The following TNNI3K variants were observed in gnomAD, a reference collection of about 807,000 sequenced individuals.
The protein encoded by TNNI3K is TNNI3 interacting kinase.
TNNI3K carries 140 observed loss-of-function variants against 114.5 expected under a neutral mutation model. The ratio of observed to expected loss-of-function variants is 1.22; its 90% CI spans 1.07 to 1.41. The LOEUF is 1.41. Ranked by LOEUF, TNNI3K falls within the 40% of genes most tolerant of loss-of-function variation. TNNI3K has a pLI of 0.00. For missense variants in TNNI3K, 1,125 were observed against 1,007.6 expected (o/e 1.12, Z -1.58); for synonymous variants, 347 against 347.5 (o/e 1.00, Z 0.02).
Position 74,353,970 on chromosome 1 carries a change from T to C in TNNI3K, c.1028-10T>C. 1 of 1,589,802 alleles carries C rather than the reference T, an allele frequency of 6.3e-7. No individual in the cohort carries two copies. Among genetic ancestry groups the C allele is most frequent in the Non-Finnish European group, 8.5e-7 (1 of 1,171,478 alleles). ...TCTCCTTTTGTTCTTTCAATTCTTTTCTATTACAGGATTACACTCTGCTTG... is the reference window on the plus strand; with the variant it reads ...TCTCCTTTTGTTCTTTCAATTCTTTCCTATTACAGGATTACACTCTGCTTG... On this transcript the variant is annotated splice_polypyrimidine_tract_variant and intron_variant, in intron 10 of 24. Transcript: ENST00000326637.
intron 23 of TNNI3K, among the ~76,000 whole-genome samples, chr1:74,534,201 T>C (rs1646630811): frequency 7.9e-6 from 1 of 126,044 alleles, no homozygotes; most frequent in Non-Finnish European, 1.6e-5. Flanking sequence ...AACAATTCTC[T>C]GTAATTGTTT....
At chr1:74,336,200 C>A in intron 7 of TNNI3K, 51 bp downstream of exon 7, 1 of 1,554,682 alleles carries the variant, frequency 6.4e-7, no homozygotes. Flanking sequence ...TTATGTATAC[C>A]TTTTACTTGT....
In TNNI3K at chr1:74,352,745, G is replaced by A. The variant is rs369990735; in HGVS notation, c.933-521G>A. ...CTGTGCTAGCAATGAGCGAGGCTCCGTGGGCATAGGACCCTCCAAGCCAGG... is the reference window on the plus strand; with the variant it reads ...CTGTGCTAGCAATGAGCGAGGCTCCATGGGCATAGGACCCTCCAAGCCAGG... On this transcript the variant is annotated intron_variant, in intron 9 of 24. Transcript: ENST00000326637. 8.1e-4 allele frequency among the ~76,000 whole-genome samples: 123 copies of A among 152,252 alleles called. 2 individuals carry two copies. In the East Asian group the frequency reaches 0.021, roughly 26 times the overall value.
Position 74,399,533 on chromosome 1 carries a change from C to T in TNNI3K, c.1772+29141C>T, listed in dbSNP as rs533636185. 5.6e-4 allele frequency among the ~76,000 whole-genome samples: 85 copies of T among 152,092 alleles called. No homozygotes were observed. In the Middle Eastern group the frequency reaches 0.01, roughly 18 times the overall value. Reference sequence around the variant, plus strand: ...ATGCTGGGAAGGTCCCTTTCAAGTGCTCCTGATCACTGAGACAGCCTTATG... The same window carrying T: ...ATGCTGGGAAGGTCCCTTTCAAGTGTTCCTGATCACTGAGACAGCCTTATG... On this transcript the variant is annotated intron_variant, in intron 17 of 24. Coordinates refer to ENST00000326637, the MANE Select transcript of TNNI3K (RefSeq NM_015978.3).
chr1:74,405,246 G>A (rs780081391), intron 17 of TNNI3K, among the ~76,000 whole-genome samples: 2 of 152,138 alleles, frequency 1.3e-5, no homozygotes, highest in African/African-American at 2.4e-5. Flanking sequence ...ACAAAAAGTT[G>A]TGGAGAGCTT....
At chr1:74,528,021 G>A (rs758603378) in intron 23 of TNNI3K, among the ~76,000 whole-genome samples, 1 of 152,154 alleles carries the variant, frequency 6.6e-6, no homozygotes, top group Non-Finnish European at 1.5e-5. Flanking sequence ...AGGTAGTCAC[G>A]TGGGAGAGTA....
intron 20 of TNNI3K, among the ~76,000 whole-genome samples, chr1:74,446,894 A>G (rs1024575266): frequency 2.8e-5 from 4 of 143,374 alleles, no homozygotes; most frequent in African/African-American, 7.9e-5. Flanking sequence ...TGTTCCATTG[A>G]TCTATATCTC....
intron 17 of TNNI3K, among the ~76,000 whole-genome samples, chr1:74,409,031 A>C (rs1159991221): frequency 5.9e-5 from 9 of 152,084 alleles, no homozygotes; most frequent in Non-Finnish European, 1.0e-4. Context: ...AGGTACCAGA[A>C]TTAACTATTC....
chr1:74,447,159 C>T (rs1666736867), intron 20 of TNNI3K, among the ~76,000 whole-genome samples: 1 of 151,174 alleles, frequency 6.6e-6, no homozygotes, highest in Non-Finnish European at 1.5e-5. Flanking sequence ...GATATTGATT[C>T]TTCCTACCCA....
intron 2 of TNNI3K, among the ~76,000 whole-genome samples, chr1:74,242,043 G>A: frequency 6.6e-6 from 1 of 151,834 alleles, no homozygotes; most frequent in East Asian, 1.9e-4. Context: ...TAGAGACGGG[G>A]TTTCACTGTG....
intron 23 of TNNI3K, among the ~76,000 whole-genome samples, chr1:74,530,408 T>C (rs1203920420): frequency 6.6e-6 from 1 of 152,186 alleles, no homozygotes; most frequent in Non-Finnish European, 1.5e-5. Flanking sequence ...TTTCCTCATA[T>C]ATAAAATGAG....
At chr1:74,423,801 T>A (rs1013041321) in intron 17 of TNNI3K, among the ~76,000 whole-genome samples, 3 of 152,140 alleles carry the variant, frequency 2.0e-5, no homozygotes, top group African/African-American at 7.2e-5. Context: ...CTTCTTCATA[T>A]GTAAAATTGC....
chr1:74,513,124 A>ACTG (rs1444513247), intron 23 of TNNI3K, among the ~76,000 whole-genome samples: 2 of 152,240 alleles, frequency 1.3e-5, no homozygotes, highest in African/African-American at 4.8e-5. Flanking sequence ...CTCAGTCGAT[A>ACTG]CTGTTTCACT....
chr1:74,342,607 G>A (rs1660802433), intron 7 of TNNI3K, among the ~76,000 whole-genome samples: 1 of 152,106 alleles, frequency 6.6e-6, no homozygotes, highest in Non-Finnish European at 1.5e-5. Flanking sequence ...TTGATTTGAT[G>A]TGTTCCATAG....
chr1:74,415,683 A>G (rs535793702), intron 17 of TNNI3K, among the ~76,000 whole-genome samples: 32 of 150,632 alleles, frequency 2.1e-4, no homozygotes, highest in African/African-American at 7.0e-4. Flanking sequence ...ATATATTTAT[A>G]CTTTTTTGAT....
At chr1:74,508,943 G>A (rs1324974035) in intron 23 of TNNI3K, among the ~76,000 whole-genome samples, 1 of 152,134 alleles carries the variant, frequency 6.6e-6, no homozygotes, top group Non-Finnish European at 1.5e-5. Flanking sequence ...TCATCCCTGA[G>A]AAACTTATGT....
At chr1:74,237,209 T>G (rs1397031346) in intron 2 of TNNI3K, among the ~76,000 whole-genome samples, 1 of 151,956 alleles carries the variant, frequency 6.6e-6, no homozygotes, top group Non-Finnish European at 1.5e-5. Flanking sequence ...CTCTTTATAG[T>G]TTGGCCCAGG....
At chr1:74,378,638 A>ATATT (rs1663043700) in intron 17 of TNNI3K, 1 of 130,286 alleles carries the variant, frequency 7.7e-6, no homozygotes, top group Non-Finnish European at 1.6e-5. Flanking sequence ...ATATATATAT[A>ATATT]TATTTCATTT....
chr1:74,450,456 A>C (rs1666937984), intron 20 of TNNI3K, among the ~76,000 whole-genome samples: 1 of 152,040 alleles, frequency 6.6e-6, no homozygotes, highest in Admixed American at 6.5e-5. Context: ...AGCTATCGTC[A>C]GAGTGAGCAG....
Sources: allele counts gnomAD v4.1 joint callset (sites outside exome capture counted in the v4.1 genomes callset), GRCh38; gene constraint gnomAD v4.1.1; transcripts MANE v1.5; gene names NCBI Gene and HGNC (gene_info 2026-07-23, HGNC 2026-07-21).